Variants in ITPR1 observed in about 807,000 individuals in gnomAD.
ITPR1 encodes the protein inositol 1,4,5-trisphosphate receptor type 1, also known as inositol 1,4,5-trisphosphate-gated calcium channel ITPR1.
Under a neutral mutation model 318.4 loss-of-function variants are expected in ITPR1, and 96 were observed. The ratio of observed to expected loss-of-function variants is 0.30; its 90% confidence interval spans 0.26 to 0.36. The LOEUF is 0.36. Among genes scored for constraint, ITPR1 ranks in the 10% least tolerant of loss-of-function variants. The pLI, the probability that ITPR1 is intolerant of heterozygous loss-of-function variation, is 1.00. For missense variants in ITPR1, 2,440 were observed against 3,460.2 expected, an observed-to-expected ratio of 0.71 and a Z score of 7.40; for synonymous variants, 1,312 against 1,289.9, an observed-to-expected ratio of 1.02 and a Z score of -0.37.
chr3:4,835,002 C>A (rs1473497982), intron 60 of ITPR1, among the ~76,000 whole-genome samples: 1 of 152,174 alleles, frequency 6.6e-6, no homozygotes, highest in African/African-American at 2.4e-5. Context: ...AGTTGCATAT[C>A]ATTCTGTCCT....
chr3:4,626,347 C>G (rs1041571614), intron 4 of ITPR1, among the ~76,000 whole-genome samples: 12 of 152,084 alleles, frequency 7.9e-5, no homozygotes, highest in African/African-American at 2.9e-4. Context: ...TTCATATTAT[C>G]ATTAATACCT....
chr3:4,604,133 C>T (rs1362760794), intron 4 of ITPR1, among the ~76,000 whole-genome samples: 1 of 152,138 alleles, frequency 6.6e-6, no homozygotes, highest in Non-Finnish European at 1.5e-5. Context: ...TGTAAGTCTT[C>T]CTTTGAGAAG....
intron 44 of ITPR1, among the ~76,000 whole-genome samples, chr3:4,753,621 G>T (rs1307975892): frequency 6.6e-6 from 1 of 152,136 alleles, no homozygotes; most frequent in Non-Finnish European, 1.5e-5. Flanking sequence ...AAGGACTAGG[G>T]TTGACTGGGG....
At chr3:4,697,334 G>GTGTA (rs1331616718) in intron 34 of ITPR1, 62 bp downstream of exon 34, 25 of 1,390,174 alleles carry the variant, frequency 1.8e-5, no homozygotes, top group Non-Finnish European at 2.4e-5. Context: ...GTGTGTGTGT[G>GTGTA]TGTGTGTGTG....
chr3:4,523,940 A>G (rs2082763794), intron 4 of ITPR1, among the ~76,000 whole-genome samples: 1 of 152,188 alleles, frequency 6.6e-6, no homozygotes, highest in Non-Finnish European at 1.5e-5. Flanking sequence ...GAAGGAAGCA[A>G]ACTCCTTTTA....
At chr3:4,744,438 C>T (rs2043931787) in intron 44 of ITPR1, among the ~76,000 whole-genome samples, 1 of 152,134 alleles carries the variant, frequency 6.6e-6, no homozygotes, top group African/African-American at 2.4e-5. Context: ...TCTGGAGGTT[C>T]AGGGATTAGT....
At chr3:4,763,043 C>A (rs2045562464) in intron 44 of ITPR1, among the ~76,000 whole-genome samples, 1 of 152,278 alleles carries the variant, frequency 6.6e-6, no homozygotes. Flanking sequence ...GAGATCGTGT[C>A]CTTTGCAGGG....
chr3:4,702,087 C>G (rs1003309880), intron 35 of ITPR1, among the ~76,000 whole-genome samples: 1 of 152,076 alleles, frequency 6.6e-6, no homozygotes, highest in African/African-American at 2.4e-5. Context: ...CAAAGCTACC[C>G]TTTGAATGGA....
chr3:4,768,551 T>C lies in ITPR1; in HGVS notation c.5766T>C (p.Asp1922=), dbSNP rs201311531. The C allele has an allele frequency of 2.0e-4, 327 of 1,613,738 alleles. No homozygotes were observed. Among genetic ancestry groups the C allele is most frequent in the Middle Eastern group, 1.8e-3 (11 of 6,058 alleles). The change falls in exon 46 of 62, where the codon GAT becomes GAC. Residue 1922 remains aspartate (D), a synonymous_variant. Coordinates refer to ENST00000649015, the MANE Select transcript of ITPR1 (RefSeq NM_001378452.1). ...PTTQITEEVR[D]QLLEASAATR... ...CACAGATAACAGAAGAGGTCCGGGATCAGCTCCTGGAGGCCTCCGCTGCCA... is the reference window on the plus strand; with the variant it reads ...CACAGATAACAGAAGAGGTCCGGGACCAGCTCCTGGAGGCCTCCGCTGCCA...
At chr3:4,692,987 G>A (rs1028371786) in intron 32 of ITPR1, among the ~76,000 whole-genome samples, 1 of 152,140 alleles carries the variant, frequency 6.6e-6, no homozygotes, top group South Asian at 2.1e-4. Context: ...AGGCATGGTG[G>A]TGCATCCCTG....
At chr3:4,494,878 CT>C (rs1273600255) in intron 2 of ITPR1, among the ~76,000 whole-genome samples, 4 of 152,232 alleles carry the variant, frequency 2.6e-5, no homozygotes, top group African/African-American at 9.6e-5. Flanking sequence ...AACTGCCTCT[CT>C]CCTTCAAGAA....
intron 51 of ITPR1, 72 bp downstream of exon 51, chr3:4,783,992 T>C (rs1417306483): frequency 2.0e-6 from 2 of 1,014,602 alleles, no homozygotes; most frequent in East Asian, 5.2e-5. Flanking sequence ...GCTCTGGGGC[T>C]GGCGTGCATT....
chr3:4,504,226 T>A (rs1410560869), intron 2 of ITPR1, among the ~76,000 whole-genome samples: 1 of 152,158 alleles, frequency 6.6e-6, no homozygotes, highest in African/African-American at 2.4e-5. Flanking sequence ...ATATTGTACC[T>A]GGTTGGGGAA....
chr3:4,821,498 A>C (rs1183914384), intron 60 of ITPR1, among the ~76,000 whole-genome samples: 1 of 152,232 alleles, frequency 6.6e-6, no homozygotes, highest in Non-Finnish European at 1.5e-5. Flanking sequence ...ACACTGGGTC[A>C]TAGAATTTAT....
intron 4 of ITPR1, among the ~76,000 whole-genome samples, chr3:4,614,316 A>G (rs1480526086): frequency 2.6e-5 from 4 of 152,234 alleles, no homozygotes; most frequent in Admixed American, 6.5e-5. Flanking sequence ...TTGTAACAGT[A>G]GCTTGTTTTT....
chr3:4,794,931 A>G, intron 52 of ITPR1, 134 bp from the exon 53 acceptor site: 1 of 981,614 alleles, frequency 1.0e-6, no homozygotes, highest in Non-Finnish European at 1.5e-6. Flanking sequence ...ACAAATGATC[A>G]TTTTTACTCT....
chr3:4,504,830 G>T (rs1027446719), intron 2 of ITPR1, among the ~76,000 whole-genome samples: 1 of 152,212 alleles, frequency 6.6e-6, no homozygotes, highest in Non-Finnish European at 1.5e-5. Flanking sequence ...CGTATTTACA[G>T]CCATATTACC....
At chr3:4,738,107 G>A (rs932376766) in intron 44 of ITPR1, among the ~76,000 whole-genome samples, 1 of 151,966 alleles carries the variant, frequency 6.6e-6, no homozygotes, top group African/African-American at 2.4e-5. Flanking sequence ...ATAACTAATG[G>A]GTACTAGGTT....
In ITPR1 at chr3:4,735,312, C is replaced by T. The variant is rs775288535; in HGVS notation, c.5502C>T (p.Leu1834=). ...SSDRVFHESI[L]LAIALLEGGN... ...ACCGAGTGTTCCATGAAAGCATTCT[C>T]CTGGCCATTGCCCTTCTGGAAGGAG... The change falls in exon 44 of 62, where the codon CTC becomes CTT. Residue 1834 remains leucine (L), a synonymous_variant. Coordinates refer to ENST00000649015, the MANE Select transcript of ITPR1 (RefSeq NM_001378452.1). 6.2e-7 allele frequency: 1 copy of T among 1,613,830 alleles called. No homozygotes were observed. Among genetic ancestry groups the T allele is most frequent in the African/African-American group, 1.3e-5 (1 of 74,898 alleles).
Sources: allele counts gnomAD v4.1 joint callset (sites outside exome capture counted in the v4.1 genomes callset), GRCh38; gene constraint gnomAD v4.1.1; transcripts MANE v1.5; gene names NCBI Gene and HGNC (gene_info 2026-07-23, HGNC 2026-07-21).